Variants in ANKRD53 observed in about 807,000 individuals in gnomAD.
ANKRD53 encodes the protein ankyrin repeat domain-containing protein 53.
ANKRD53 carries 27 observed loss-of-function variants against 30.1 expected under a neutral mutation model. The ratio of observed to expected loss-of-function variants is 0.90; its 90% CI spans 0.66 to 1.24. The LOEUF is 1.24. Among genes scored for constraint, ANKRD53 ranks in the 50% most tolerant of loss-of-function variants. ANKRD53 has a pLI of 0.00. For missense variants in ANKRD53, 682 were observed against 721.0 expected (o/e 0.95, Z 0.62); for synonymous variants, 286 against 295.4 (o/e 0.97, Z 0.33).
chr2:70,985,152 T>G lies in ANKRD53; in HGVS notation c.1445T>G (p.Val482Gly), dbSNP rs1553424595. 3 of 1,551,192 alleles carry G rather than the reference T, an allele frequency of 1.9e-6. No homozygotes were observed. Among genetic ancestry groups the G allele is most frequent in the Non-Finnish European group, 2.6e-6 (3 of 1,146,928 alleles). ...QGFYPISMRE[V>G]PRKRHLGDNT... Reference sequence around the variant, plus strand: ...TTTTACCCCATCAGCATGAGGGAAGTGCCCAGGAAGCGGCACCTGGGTGAC... The same window carrying G: ...TTTTACCCCATCAGCATGAGGGAAGGGCCCAGGAAGCGGCACCTGGGTGAC... The change falls in exon 6 of 6, where the codon GTG becomes GGG. Residue 482 changes from valine (V) to glycine (G), a missense_variant. Physicochemically the swap from Val to Gly is moderately radical, Grantham distance 109. Coordinates refer to ENST00000360589, the MANE Select transcript of ANKRD53 (RefSeq NM_001115116.2).
chr2:70,985,302 GTTA>G lies in ANKRD53; in HGVS notation c.*7_*9del. The G allele has an allele frequency of 7.3e-7, 1 of 1,369,762 alleles. No individual in the cohort carries two copies. Among genetic ancestry groups the G allele is most frequent in the Non-Finnish European group, 9.9e-7 (1 of 1,008,494 alleles). 84.9% of individuals were successfully genotyped at this position (1,369,762 alleles called of 1,614,324 possible). ...CCCTCCCCACAAACCAACCCATAAA[GTTA>G]TTATGGCTACCTCTCCCCCTGAGGC... On this transcript the variant is annotated 3_prime_UTR_variant, in exon 6 of 6. Coordinates refer to ENST00000360589, the MANE Select transcript of ANKRD53 (RefSeq NM_001115116.2).
At chr2:70,980,315 CAACAAA>C (rs1359049974) in intron 3 of ANKRD53, among the ~76,000 whole-genome samples, 12 of 74,408 alleles carry the variant, frequency 1.6e-4, no homozygotes, top group African/African-American at 5.3e-4. Context: ...GACTCCGTCT[CAACAAA>C]AAAAAAAAAA....
Position 70,982,181 on chromosome 2 carries a change from G to A in ANKRD53, c.782+81G>A. The A allele has an allele frequency of 6.8e-7, 1 of 1,465,994 alleles. No individual in the cohort carries two copies. 90.8% of individuals were successfully genotyped at this position (1,465,994 alleles called of 1,614,324 possible). On this transcript the variant is annotated intron_variant, in intron 4 of 5. Coordinates refer to ENST00000360589, the MANE Select transcript of ANKRD53 (RefSeq NM_001115116.2). The surrounding 1 kb of genome is among the most constrained non-coding windows in gnomAD (Gnocchi z 4.2). ...TTTCCCTAGGGCCCTCACCACAGCT[G>A]AGCCTTTAAGGGGAGGGTTGGGAAG...
chr2:70,984,791 C>A lies in ANKRD53; in HGVS notation c.1084C>A (p.Gln362Lys). ...CCACCCCTCTGTGGATGCACGCCTG[C>A]AATGCATTCCACAGCCCACGGAGAT... The part of the protein sequence containing the change: ...SFHPSVDARL[Q>K]CIPQPTEMPK... The change falls in exon 6 of 6, where the codon CAA becomes AAA. Residue 362 changes from glutamine to lysine, a missense_variant. Gln to Lys is a moderately conservative substitution (Grantham distance 53). Transcript: ENST00000360589. The A allele has an allele frequency of 6.4e-7, 1 of 1,557,668 alleles. No homozygotes were observed.
upstream of ANKRD53, chr2:70,978,579 C>T: frequency 1.4e-6 from 2 of 1,418,198 alleles, no homozygotes; most frequent in Non-Finnish European, 1.8e-6. The surrounding 1 kb of genome is among the most constrained non-coding windows in gnomAD (Gnocchi z 4.3). Context: ...GGAGTGGCCC[C>T]CGGGGGCGGG....
chr2:70,978,855 G>A lies in ANKRD53; in HGVS notation c.170+40G>A. 2.0e-6 allele frequency: 3 copies of A among 1,535,306 alleles called. No individual in the cohort carries two copies. Among genetic ancestry groups the A allele is most frequent in the South Asian group, 2.4e-5 (2 of 82,508 alleles). ...AAGGTGTCCCGGCTGCAGGGAGCGAGAACCCGGCCCAGCGCCTCCCTGGTG... is the reference window on the plus strand; with the variant it reads ...AAGGTGTCCCGGCTGCAGGGAGCGAAAACCCGGCCCAGCGCCTCCCTGGTG... On this transcript the variant is annotated intron_variant, in intron 1 of 5. Transcript: ENST00000360589. This position sits in a 1 kb window ranked among gnomAD's most constrained non-coding sequence, Gnocchi z 4.3.
At chr2:70,983,564 C>A (rs782557644) in intron 5 of ANKRD53, among the ~76,000 whole-genome samples, 3 of 152,214 alleles carry the variant, frequency 2.0e-5, no homozygotes, top group Non-Finnish European at 4.4e-5. Context: ...CTCCGGCACA[C>A]CGGGTCTGTT....
chr2:70,984,390 C>G lies in ANKRD53; in HGVS notation c.904-221C>G, dbSNP rs1670107309. 3 of 1,563,274 alleles carry G rather than the reference C, an allele frequency of 1.9e-6. No homozygotes were observed. In the Admixed American group the frequency reaches 6.3e-5, roughly 33 times the overall value. On this transcript the variant is annotated intron_variant, in intron 5 of 5. Transcript: ENST00000360589. ...AGGTGCTTTGTCTCCCCACTCAGCC[C>G]AGGGGCTCCCTTATGGAAAAAGTTG...
chr2:70,982,255 C>A lies in ANKRD53; in HGVS notation c.782+155C>A. ...ACTGCCCAGGATATTTTGGATGAGGCAATCACCTCATCACCTGGGCTTGGG... is the reference window on the plus strand; with the variant it reads ...ACTGCCCAGGATATTTTGGATGAGGAAATCACCTCATCACCTGGGCTTGGG... On this transcript the variant is annotated intron_variant, in intron 4 of 5. Transcript: ENST00000360589. The surrounding 1 kb of genome is among the most constrained non-coding windows in gnomAD (Gnocchi z 4.2). The A allele has an allele frequency of 2.2e-6, 2 of 916,796 alleles. No homozygotes were observed. The highest frequency in any genetic ancestry group is 3.2e-6 in the Non-Finnish European group (2 of 627,140). The allele number at this position is 916,796 out of a possible 1,614,324, so 56.8% of individuals were successfully genotyped here.
At chr2:70,981,374 G>T (rs1377546963) in intron 3 of ANKRD53, among the ~76,000 whole-genome samples, 5 of 151,972 alleles carry the variant, frequency 3.3e-5, no homozygotes, top group Non-Finnish European at 7.4e-5. Flanking sequence ...TGGTGTAGGG[G>T]GTAAAGCAGG....
chr2:70,985,132 C>A lies in ANKRD53; in HGVS notation c.1425C>A (p.Tyr475Ter), dbSNP rs985427998. Residue 475 changes from tyrosine (Y) to a stop codon, truncating the protein, a stop_gained, in exon 6 of 6, where the codon TAC (tyrosine) becomes TAA (stop). Transcript: ENST00000360589. LOFTEE classifies it low-confidence loss of function (END_TRUNC). ...GAATGAAGGTGCCCCAGGGCTTTTA[C>A]CCCATCAGCATGAGGGAAGTGCCCA... ...PYRMKVPQGF[Y>*]PISMREVPRK... 4 of 1,551,074 alleles carry A rather than the reference C, an allele frequency of 2.6e-6. No individual in the cohort carries two copies. The highest frequency in any genetic ancestry group is 3.5e-6 in the Non-Finnish European group (4 of 1,146,926).
At chr2:70,979,614 G>T in intron 2 of ANKRD53, 47 bp from the exon 3 acceptor site, 2 of 1,573,632 alleles carry the variant, frequency 1.3e-6, no homozygotes, top group Non-Finnish European at 1.7e-6. Context: ...TGGACCCTGG[G>T]ACCTCAGTCC....
rs782185915 is a variant in ANKRD53 at position 70,978,748 on chromosome 2, T to A, written c.103T>A (p.Ser35Thr). 37 of 1,564,660 alleles carry A rather than the reference T, an allele frequency of 2.4e-5. No homozygotes were observed. Among genetic ancestry groups the A allele is most frequent in the Non-Finnish European group, 2.3e-5 (26 of 1,154,960 alleles). Residue 35 changes from serine to threonine, a missense_variant, in exon 1 of 6, where the codon TCC becomes ACC. Ser to Thr is a moderately conservative substitution (Grantham distance 58, BLOSUM62 1). Transcript: ENST00000360589. This position sits in a 1 kb window ranked among gnomAD's most constrained non-coding sequence, Gnocchi z 4.3. ...TCGGCCGCAGCCAACTCCAAGTGGC[T>A]CCATGCAGCAGGCGAACAAAGTCTC... is the stretch of plus-strand genomic sequence containing the variant. ...GARPQPTPSGSMQQANKVSLK... is the reference protein window; with the variant it reads ...GARPQPTPSGTMQQANKVSLK...
chr2:70,982,642 A>C lies in ANKRD53; in HGVS notation c.848A>C (p.Lys283Thr), dbSNP rs1558688890. 6.2e-7 allele frequency: 1 copy of C among 1,614,160 alleles called. No individual in the cohort carries two copies. Among genetic ancestry groups the C allele is most frequent in the African/African-American group, 1.3e-5 (1 of 75,036 alleles). Residue 283 changes from lysine (K) to threonine (T), a missense_variant, in exon 5 of 6, where the codon AAG becomes ACG. Lys to Thr is a moderately conservative substitution (Grantham distance 78). Transcript: ENST00000360589. The surrounding 1 kb of genome is among the most constrained non-coding windows in gnomAD (Gnocchi z 4.2). Reference sequence around the variant, plus strand: ...TTTGCCCGTGAGATGACGAAAATGAAGATGTTCAAGAGCCAGCTGACCCTC... The same window carrying C: ...TTTGCCCGTGAGATGACGAAAATGACGATGTTCAAGAGCCAGCTGACCCTC... The part of the protein sequence containing the change: ...KDFAREMTKM[K>T]MFKSQLTLME...
Position 70,978,749 on chromosome 2 carries a change from C to G in ANKRD53, c.104C>G (p.Ser35Cys). 6.4e-7 allele frequency: 1 copy of G among 1,565,468 alleles called. No individual in the cohort carries two copies. Among genetic ancestry groups the G allele is most frequent in the Admixed American group, 1.9e-5 (1 of 52,188 alleles). Residue 35 changes from serine (S) to cysteine (C), a missense_variant, in exon 1 of 6, where the codon TCC becomes TGC. By Grantham distance (112) the Ser-to-Cys change is moderately radical. Coordinates refer to ENST00000360589, the MANE Select transcript of ANKRD53 (RefSeq NM_001115116.2). The surrounding 1 kb of genome is among the most constrained non-coding windows in gnomAD (Gnocchi z 4.3). ...GARPQPTPSG[S>C]MQQANKVSLK... is the part of the protein sequence containing the mutation. Reference sequence around the variant, plus strand: ...CGGCCGCAGCCAACTCCAAGTGGCTCCATGCAGCAGGCGAACAAAGTCTCC... The same window carrying G: ...CGGCCGCAGCCAACTCCAAGTGGCTGCATGCAGCAGGCGAACAAAGTCTCC...
chr2:70,985,129 T>C lies in ANKRD53; in HGVS notation c.1422T>C (p.Phe474=). ...ACAGAATGAAGGTGCCCCAGGGCTT[T>C]TACCCCATCAGCATGAGGGAAGTGC... ...WPYRMKVPQG[F]YPISMREVPR... The change falls in exon 6 of 6, where the codon TTT becomes TTC. Residue 474 remains phenylalanine, a synonymous_variant. Transcript: ENST00000360589. 6.4e-7 allele frequency: 1 copy of C among 1,551,244 alleles called. No homozygotes were observed. The highest frequency in any genetic ancestry group is 8.7e-7 in the Non-Finnish European group (1 of 1,146,980).
chr2:70,983,566 G>T (rs1183701424), intron 5 of ANKRD53, among the ~76,000 whole-genome samples: 2 of 152,202 alleles, frequency 1.3e-5, no homozygotes, highest in African/African-American at 4.8e-5. Context: ...CCGGCACACC[G>T]GGTCTGTTTC....
At position 70,982,134 on chromosome 2, in the gene ANKRD53, C is replaced by A; in HGVS notation, c.782+34C>A. 1 of 1,560,492 alleles carries A rather than the reference C, an allele frequency of 6.4e-7. No individual in the cohort carries two copies. The highest frequency in any genetic ancestry group is 8.7e-7 in the Non-Finnish European group (1 of 1,150,604). On this transcript the variant is annotated intron_variant, in intron 4 of 5. Coordinates refer to ENST00000360589, the MANE Select transcript of ANKRD53 (RefSeq NM_001115116.2). The surrounding 1 kb of genome is among the most constrained non-coding windows in gnomAD (Gnocchi z 4.2). ...GTGAGAACCACCTGGAGCCTGCCCA[C>A]CCCCTTCCCCTCCCCCAGCCTTTTC...
upstream of ANKRD53, chr2:70,978,604 G>C: frequency 6.8e-7 from 1 of 1,478,900 alleles, no homozygotes; most frequent in Non-Finnish European, 9.0e-7. This position sits in a 1 kb window ranked among gnomAD's most constrained non-coding sequence, Gnocchi z 4.3. Context: ...CGGCGGGTGT[G>C]TGAGTAGCCC....
Sources: gnomAD v4.1 joint callset for allele counts (sites outside exome capture counted in the v4.1 genomes callset) on GRCh38, gnomAD v4.1.1 for gene constraint, Gnocchi (gnomAD v3.1) non-coding constraint, MANE v1.5 for transcripts, NCBI Gene and HGNC (gene_info 2026-07-23, HGNC 2026-07-21) for gene names.